The following TTC24 variants were observed in gnomAD, a reference collection of about 807,000 sequenced individuals.
TTC24 encodes the protein tetratricopeptide repeat protein 24.
Under a neutral mutation model 63.3 loss-of-function variants are expected in TTC24, and 54 were observed. The observed-to-expected ratio is 0.85, with a 90% CI of 0.69 to 1.07. The LOEUF is 1.07. TTC24 is among the 50% of genes least tolerant of loss of function. TTC24 has a pLI of 0.00. For synonymous variants in TTC24, 276 were observed against 304.3 expected (o/e 0.91, Z 0.97); for missense variants, 680 against 730.5 (o/e 0.93, Z 0.80).
At position 156,582,376 on chromosome 1, in the gene TTC24, T is replaced by A; in HGVS notation, c.852T>A (p.Asn284Lys). The A allele has an allele frequency of 6.2e-7, 1 of 1,613,602 alleles. No individual in the cohort carries two copies. Among genetic ancestry groups the A allele is most frequent in the Non-Finnish European group, 8.5e-7 (1 of 1,179,758 alleles). Reference sequence around the variant, plus strand: ...TAAGAAACCTCGGGATGGCCCACAATGCCCTCGGCAACTATCAGGAAGCTC... The same window carrying A: ...TAAGAAACCTCGGGATGGCCCACAAAGCCCTCGGCAACTATCAGGAAGCTC... ...TVLRNLGMAH[N>K]ALGNYQEARE... The change falls in exon 3 of 11, where the codon AAT (asparagine) becomes AAA (lysine). Residue 284 changes from asparagine to lysine, a missense_variant. By Grantham distance (94) the Asn-to-Lys change is moderately conservative (BLOSUM62 0). Transcript: ENST00000368236.
Position 156,581,455 on chromosome 1 carries a change from C to A in TTC24, c.91C>A (p.Arg31=), listed in dbSNP as rs369300233. 7.1e-6 allele frequency: 11 copies of A among 1,550,164 alleles called. No homozygotes were observed. Among genetic ancestry groups the A allele is most frequent in the Non-Finnish European group, 8.7e-6 (10 of 1,146,378 alleles). ...NKKKKKRKWL[R]QEASIQALTR... is the part of the protein sequence containing the mutation. Reference sequence around the variant, plus strand: ...GAAAAAGAAGAAAAGAAAGTGGCTGCGGCAAGAAGCCAGCATCCAAGCCCT... The same window carrying A: ...GAAAAAGAAGAAAAGAAAGTGGCTGAGGCAAGAAGCCAGCATCCAAGCCCT... The change falls in exon 2 of 11, where the codon CGG becomes AGG. Residue 31 remains arginine (R), a synonymous_variant. Coordinates refer to ENST00000368236, the MANE Select transcript of TTC24 (RefSeq NM_001105669.4).
chr1:156,581,447 A>G lies in TTC24; in HGVS notation c.83A>G (p.Lys28Arg). ...TCCAATAAGAAAAAGAAGAAAAGAA[A>G]GTGGCTGCGGCAAGAAGCCAGCATC... Reference protein sequence around the residue: ...SSSNKKKKKRKWLRQEASIQA... With the variant: ...SSSNKKKKKRRWLRQEASIQA... Residue 28 changes from lysine to arginine, a missense_variant, in exon 2 of 11, where the codon AAG (lysine) becomes AGG (arginine). Physicochemically the swap from Lys to Arg is conservative, Grantham distance 26. Transcript: ENST00000368236. The G allele has an allele frequency of 6.5e-7, 1 of 1,550,020 alleles. No homozygotes were observed. The highest frequency in any genetic ancestry group is 8.7e-7 in the Non-Finnish European group (1 of 1,146,340).
Position 156,583,284 on chromosome 1 carries a change from G to A in TTC24, c.1040-54G>A. The A allele has an allele frequency of 1.2e-6, 2 of 1,605,966 alleles. No homozygotes were observed. Among genetic ancestry groups the A allele is most frequent in the Non-Finnish European group, 1.7e-6 (2 of 1,176,226 alleles). On this transcript the variant is annotated intron_variant, in intron 4 of 10. Coordinates refer to ENST00000368236, the MANE Select transcript of TTC24 (RefSeq NM_001105669.4). The surrounding 1 kb of genome is among the most constrained non-coding windows in gnomAD (Gnocchi z 4.0). ...GGGTAGGGAGTGCCTCTGAGGGGGTGGATCAGTGGGGTAGGAAGTCATGAA... is the reference window on the plus strand; with the variant it reads ...GGGTAGGGAGTGCCTCTGAGGGGGTAGATCAGTGGGGTAGGAAGTCATGAA...
chr1:156,586,105 C>A, intron 10 of TTC24, 60 bp downstream of exon 10: 1 of 1,222,456 alleles, frequency 8.2e-7, no homozygotes, highest in South Asian at 1.3e-5. Context: ...GAATGTGTGG[C>A]TTGGGATGAT....
chr1:156,579,786 A>C (rs1482127222), intron 1 of TTC24, 28 bp downstream of exon 1: 1 of 152,126 alleles, frequency 6.6e-6, no homozygotes, highest in Non-Finnish European at 1.5e-5. Flanking sequence ...GGGGATCCCC[A>C]CACTGGATGG....
At position 156,581,718 on chromosome 1, in the gene TTC24, C is replaced by T; in HGVS notation, c.354C>T (p.Asp118=). Residue 118 remains aspartate, a synonymous_variant, in exon 2 of 11, where the codon GAC becomes GAT. Coordinates refer to ENST00000368236, the MANE Select transcript of TTC24 (RefSeq NM_001105669.4). The part of the protein sequence containing the change: ...EEKAQGRRHG[D]QCFNVALAYH... Reference sequence around the variant, plus strand: ...AGGCACAGGGCAGGCGACACGGCGACCAATGTTTCAATGTGGCTTTGGCCT... The same window carrying T: ...AGGCACAGGGCAGGCGACACGGCGATCAATGTTTCAATGTGGCTTTGGCCT... 6.4e-7 allele frequency: 1 copy of T among 1,551,790 alleles called. No homozygotes were observed. The highest frequency in any genetic ancestry group is 8.7e-7 in the Non-Finnish European group (1 of 1,147,020).
At chr1:156,581,340 C>T in intron 1 of TTC24, 21 bp from the exon 2 acceptor site, 1 of 1,453,928 alleles carries the variant, frequency 6.9e-7, no homozygotes, top group Non-Finnish European at 9.1e-7. Context: ...ACATACTGAG[C>T]CCTCTGTTCC....
rs750781985 is a variant in TTC24, at chr1:156,584,987, A to G, written c.1349+13A>G. 6.3e-7 allele frequency: 1 copy of G among 1,580,628 alleles called. No individual in the cohort carries two copies. The highest frequency in any genetic ancestry group is 1.2e-5 in the South Asian group (1 of 85,700). ...GTGTCCAGCACAGGTGAGGGTGGGA[A>G]TGGTGCAGCAGAGATGCATGCGCCC... On this transcript the variant is annotated intron_variant, in intron 7 of 10. Coordinates refer to ENST00000368236, the MANE Select transcript of TTC24 (RefSeq NM_001105669.4).
chr1:156,581,709 A>G lies in TTC24; in HGVS notation c.345A>G (p.Arg115=). 1 of 1,551,784 alleles carries G rather than the reference A, an allele frequency of 6.4e-7. No individual in the cohort carries two copies. The highest frequency in any genetic ancestry group is 8.7e-7 in the Non-Finnish European group (1 of 1,147,014). ...CTGAAGAGAAGGCACAGGGCAGGCG[A>G]CACGGCGACCAATGTTTCAATGTGG... ...AHPEEKAQGR[R]HGDQCFNVAL... Residue 115 remains arginine, a synonymous_variant, in exon 2 of 11, where the codon CGA becomes CGG. Transcript: ENST00000368236.
chr1:156,582,254 C>G lies in TTC24; in HGVS notation c.730C>G (p.Leu244Val). The G allele has an allele frequency of 6.4e-7, 1 of 1,552,622 alleles. No homozygotes were observed. Among genetic ancestry groups the G allele is most frequent in the Non-Finnish European group, 8.7e-7 (1 of 1,147,592 alleles). ...AGGGCACCTCTATAACGATCTAGGC[C>G]TGGGCTACTCCCAGCTCCAGCTGTT... ...LLGHLYNDLG[L>V]GYSQLQLFPL... Residue 244 changes from leucine (L) to valine (V), a missense_variant, in exon 3 of 11, where the codon CTG becomes GTG. Physicochemically the swap from Leu to Val is conservative, Grantham distance 32 (BLOSUM62 1). Coordinates refer to ENST00000368236, the MANE Select transcript of TTC24 (RefSeq NM_001105669.4).
In TTC24 at chr1:156,586,607, C is replaced by A; in HGVS notation, c.*57C>A. 2 of 1,483,360 alleles carry A rather than the reference C, an allele frequency of 1.3e-6. No homozygotes were observed. Among genetic ancestry groups the A allele is most frequent in the East Asian group, 2.3e-5 (1 of 42,630 alleles). 91.9% of individuals were successfully genotyped at this position (1,483,360 alleles called of 1,614,324 possible). ...GAAGCACCTGTCCAACACGCACACACTAGGGGGTCCTGGGGACCAAGCCTC... is the reference window on the plus strand; with the variant it reads ...GAAGCACCTGTCCAACACGCACACAATAGGGGGTCCTGGGGACCAAGCCTC... On this transcript the variant is annotated 3_prime_UTR_variant, in exon 11 of 11. Coordinates refer to ENST00000368236, the MANE Select transcript of TTC24 (RefSeq NM_001105669.4).
chr1:156,580,528 A>G (rs1001893246), intron 1 of TTC24, among the ~76,000 whole-genome samples: 2 of 152,108 alleles, frequency 1.3e-5, no homozygotes, highest in Admixed American at 6.5e-5. Context: ...CCCAGGCTGG[A>G]GTGCAATGGC....
intron 8 of TTC24, 120 bp from the exon 9 acceptor site, chr1:156,585,593 G>A (rs1257184886): frequency 1.4e-6 from 1 of 740,578 alleles, no homozygotes; most frequent in Non-Finnish European, 2.4e-6. Context: ...AGCGCTGGGT[G>A]CTGTTGGTAA....
In TTC24 at chr1:156,583,418, A is replaced by G. The variant is rs765860406; in HGVS notation, c.1120A>G (p.Lys374Glu). The change falls in exon 5 of 11, where the codon AAG becomes GAG. Residue 374 changes from lysine to glutamate, a missense_variant. Lys to Glu is a moderately conservative substitution (Grantham distance 56). Coordinates refer to ENST00000368236, the MANE Select transcript of TTC24 (RefSeq NM_001105669.4). This position sits in a 1 kb window ranked among gnomAD's most constrained non-coding sequence, Gnocchi z 4.0. ...ARLGQYDQAL[K>E]YYKEALAQCQ... ...GCTGGGGCAGTATGACCAGGCCTTG[A>G]AGTACTATAAGGAAGCACTGGCCCA... The G allele has an allele frequency of 1.2e-6, 2 of 1,609,882 alleles. No individual in the cohort carries two copies. Among genetic ancestry groups the G allele is most frequent in the Non-Finnish European group, 8.5e-7 (1 of 1,178,626 alleles).
In TTC24 at chr1:156,583,189, G is replaced by C; in HGVS notation, c.1039+19G>C. 1 of 1,611,030 alleles carries C rather than the reference G, an allele frequency of 6.2e-7. No homozygotes were observed. The highest frequency in any genetic ancestry group is 8.5e-7 in the Non-Finnish European group (1 of 1,178,436). On this transcript the variant is annotated intron_variant, in intron 4 of 10. Coordinates refer to ENST00000368236, the MANE Select transcript of TTC24 (RefSeq NM_001105669.4). This position sits in a 1 kb window ranked among gnomAD's most constrained non-coding sequence, Gnocchi z 4.0. ...GACTCTGGTAAGCGTGAGAGGGTTG[G>C]GATGTGACTGGGACAGTGGGGAGGC...
At position 156,583,218 on chromosome 1, in the gene TTC24, G is replaced by A. The variant is rs761291011; in HGVS notation, c.1039+48G>A. The stretch of plus-strand genomic sequence containing the variant: ...GTGACTGGGACAGTGGGGAGGCTGA[G>A]GGTCCTAGGGGCTGGCGGGGAGGCA... On this transcript the variant is annotated intron_variant, in intron 4 of 10. Coordinates refer to ENST00000368236, the MANE Select transcript of TTC24 (RefSeq NM_001105669.4). The surrounding 1 kb of genome is among the most constrained non-coding windows in gnomAD (Gnocchi z 4.0). 1 of 1,609,624 alleles carries A rather than the reference G, an allele frequency of 6.2e-7. No homozygotes were observed. Among genetic ancestry groups the A allele is most frequent in the South Asian group, 1.1e-5 (1 of 90,708 alleles).
Position 156,585,742 on chromosome 1 carries a change from T to A in TTC24, c.1486T>A (p.Ser496Thr). 6.2e-7 allele frequency: 1 copy of A among 1,613,966 alleles called. No individual in the cohort carries two copies. Among genetic ancestry groups the A allele is most frequent in the Non-Finnish European group, 8.5e-7 (1 of 1,179,848 alleles). The change falls in exon 9 of 11, where the codon TCG becomes ACG. Residue 496 changes from serine to threonine, a missense_variant. Physicochemically the swap from Ser to Thr is moderately conservative, Grantham distance 58. Transcript: ENST00000368236. The stretch of plus-strand genomic sequence containing the variant: ...TTTCCTTCCAGGCACAGTGAATCAT[T>A]CGCACCATCTAGCTTCTAGTTGCCC... ...LCFLPGTVNH[S>T]HHLASSCPTF...
Position 156,585,800 on chromosome 1 carries a change from C to G in TTC24, c.1544C>G (p.Thr515Arg), listed in dbSNP as rs566640310. 6.2e-6 allele frequency: 10 copies of G among 1,613,466 alleles called. No individual in the cohort carries two copies. In the South Asian group the frequency reaches 6.6e-5, roughly 11 times the overall value. ...TFTKHTPCRGTVLGKASIYSP... is the reference protein window; with the variant it reads ...TFTKHTPCRGRVLGKASIYSP... ...ACCAAGCACACGCCCTGCAGAGGGA[C>G]AGTCCTCGGCAAAGCCTCCATCTAT... Residue 515 changes from threonine (T) to arginine (R), a missense_variant, in exon 9 of 11, where the codon ACA becomes AGA. Thr to Arg is a moderately conservative substitution (Grantham distance 71). Transcript: ENST00000368236.
At position 156,583,458 on chromosome 1, in the gene TTC24, C is replaced by T. The variant is rs1239911069; in HGVS notation, c.1152+8C>T. The T allele has an allele frequency of 4.4e-6, 7 of 1,578,790 alleles. No homozygotes were observed. Among genetic ancestry groups the T allele is most frequent in the African/African-American group, 4.1e-5 (3 of 73,190 alleles). ...GCACTGGCCCAGTGTCAGGTGAGAC[C>T]CCGCACACCGGAATCCACCTCTCCC... On this transcript the variant is annotated splice_region_variant and intron_variant, in intron 5 of 10. Transcript: ENST00000368236. The surrounding 1 kb of genome is among the most constrained non-coding windows in gnomAD (Gnocchi z 4.0).
Sources: gnomAD v4.1 joint callset for allele counts (sites outside exome capture counted in the v4.1 genomes callset) on GRCh38, gnomAD v4.1.1 for gene constraint, Gnocchi (gnomAD v3.1) non-coding constraint, MANE v1.5 for transcripts, NCBI Gene and HGNC (gene_info 2026-07-23, HGNC 2026-07-21) for gene names.